The following GRM4 variants were observed in gnomAD, a reference collection of about 807,000 sequenced individuals.
The protein encoded by GRM4 is glutamate metabotropic receptor 4.
GRM4 carries 28 observed loss-of-function variants against 81.7 expected under a neutral mutation model. The observed-to-expected ratio is 0.34, with a 90% CI of 0.25 to 0.47. The LOEUF (loss-of-function observed/expected upper bound fraction) is 0.47, where lower values mean the gene tolerates loss of function less well. Among genes scored for constraint, GRM4 ranks in the 20% least tolerant of loss-of-function variants. GRM4 has a pLI of 1.00. For synonymous variants in GRM4, 488 were observed against 528.8 expected (o/e 0.92, Z 1.06); for missense variants, 948 against 1,290.0 (o/e 0.73, Z 4.06).
Position 34,028,295 on chromosome 6 carries a change from G to A in GRM4, c.2514C>T (p.Tyr838=). ...LSASVSLGML[Y]MPKVYIILFH... is the part of the protein sequence containing the mutation. ...AGAGGATGATGTAGACTTTGGGCAT[G>A]TAGAGCATTCCCAGGGACACCGAGG... The change falls in exon 10 of 11, where the codon TAC becomes TAT. Residue 838 remains tyrosine (Y), a synonymous_variant. Coordinates refer to ENST00000538487, the MANE Select transcript of GRM4 (RefSeq NM_000841.4). 1 of 1,613,820 alleles carries A rather than the reference G, an allele frequency of 6.2e-7. No homozygotes were observed. The highest frequency in any genetic ancestry group is 8.5e-7 in the Non-Finnish European group (1 of 1,179,976).
chr6:34,104,887 C>T (rs1484804717), intron 2 of GRM4, among the ~76,000 whole-genome samples: 1 of 152,112 alleles, frequency 6.6e-6, no homozygotes, highest in East Asian at 1.9e-4. Context: ...CTGCAAAAGC[C>T]GACAATCCTC....
At chr6:34,054,141 A>G (rs1025134166) in intron 6 of GRM4, 2 of 150,830 alleles carry the variant, frequency 1.3e-5, no homozygotes, top group African/African-American at 4.9e-5. Context: ...CCTCAGGCTC[A>G]TGGGAAAGCT....
In GRM4 at chr6:34,121,481, G is replaced by A. The variant is rs1003098476; in HGVS notation, c.519+11497C>T. 7.2e-5 allele frequency among the ~76,000 whole-genome samples: 11 copies of A among 152,098 alleles called. No homozygotes were observed. Among genetic ancestry groups the A allele is most frequent in the Admixed American group, 5.9e-4 (9 of 15,274 alleles). On this transcript the variant is annotated intron_variant, in intron 2 of 10. Transcript: ENST00000538487. This position sits in a 1 kb window ranked among gnomAD's most constrained non-coding sequence, Gnocchi z 4.6. ...AACGTGGCAAGTGCTACCTCTGTCC[G>A]CTCCCATTAGGGCTCCCATTAGGGC...
chr6:34,133,235 G>C lies in GRM4; in HGVS notation c.262C>G (p.Arg88Gly), dbSNP rs988941717. Residue 88 changes from arginine (R) to glycine (G), a missense_variant, in exon 2 of 11, where the codon CGC (arginine) becomes GGC (glycine). Coordinates refer to ENST00000538487, the MANE Select transcript of GRM4 (RefSeq NM_000841.4). This position sits in a 1 kb window ranked among gnomAD's most constrained non-coding sequence, Gnocchi z 6.5. ...RLEAMLFALD[R>G]INNDPDLLPN... ...AGCAGGTCCGGGTCGTTGTTGATGCGATCCAGGGCGAACAGCATGGCCTCC... is the reference window on the plus strand; with the variant it reads ...AGCAGGTCCGGGTCGTTGTTGATGCCATCCAGGGCGAACAGCATGGCCTCC... The C allele has an allele frequency of 2.5e-6, 4 of 1,614,078 alleles. No individual in the cohort carries two copies. The highest frequency in any genetic ancestry group is 3.4e-6 in the Non-Finnish European group (4 of 1,180,030).
At chr6:34,027,734 ACAGGCAGAGACC>A (rs1191067078) in intron 10 of GRM4, among the ~76,000 whole-genome samples, 1 of 152,168 alleles carries the variant, frequency 6.6e-6, no homozygotes, top group African/African-American at 2.4e-5. Context: ...AGGCAGGGGC[ACAGGCAGAGACC>A]CAGGCCCCAG....
intron 1 of GRM4, among the ~76,000 whole-genome samples, chr6:34,142,952 C>A (rs532051900): frequency 1.6e-3 from 244 of 152,334 alleles, no homozygotes; most frequent in Middle Eastern, 6.8e-3. Flanking sequence ...TGCTGCCACC[C>A]CCCCACCAAT....
intron 1 of GRM4, among the ~76,000 whole-genome samples, chr6:34,140,767 C>T (rs1351465357): frequency 1.3e-5 from 2 of 152,262 alleles, no homozygotes; most frequent in African/African-American, 4.8e-5. Flanking sequence ...TTGTTTGCAG[C>T]TGTTACTATT....
Position 34,036,938 on chromosome 6 carries a change from T to G in GRM4, c.1507-335A>C, listed in dbSNP as rs1764743202. 6.6e-6 allele frequency among the ~76,000 whole-genome samples: 1 copy of G among 152,178 alleles called. No homozygotes were observed. Among genetic ancestry groups the G allele is most frequent in the African/African-American group, 2.4e-5 (1 of 41,440 alleles). On this transcript the variant is annotated intron_variant, in intron 8 of 10. Transcript: ENST00000538487. This position sits in a 1 kb window ranked among gnomAD's most constrained non-coding sequence, Gnocchi z 9.0. The stretch of plus-strand genomic sequence containing the variant: ...CAGAGCAAAGAGAACTCAAGAGTCC[T>G]GACTCTTAGCCCCTAAGGCCTTGCT...
intron 2 of GRM4, among the ~76,000 whole-genome samples, chr6:34,119,809 C>T (rs1769733680): frequency 6.6e-6 from 1 of 152,186 alleles, no homozygotes; most frequent in Non-Finnish European, 1.5e-5. Context: ...TGCCAGGTGA[C>T]CCAGCAGGTG....
At chr6:34,063,063 A>T (rs1766266742) in intron 3 of GRM4, 1 of 152,316 alleles carries the variant, frequency 6.6e-6, no homozygotes, top group Admixed American at 6.5e-5. Flanking sequence ...AGCATGAGGG[A>T]TTAATCTTGA....
At chr6:34,079,542 G>C (rs1767477669) in intron 3 of GRM4, among the ~76,000 whole-genome samples, 1 of 136,910 alleles carries the variant, frequency 7.3e-6, no homozygotes, top group Non-Finnish European at 1.5e-5. Context: ...AAAAGAAACT[G>C]GTAACAAAAC....
chr6:34,123,415 G>C (rs539907586), intron 2 of GRM4, among the ~76,000 whole-genome samples: 1 of 152,182 alleles, frequency 6.6e-6, no homozygotes, highest in Non-Finnish European at 1.5e-5. Context: ...TTCGGCAGGA[G>C]ATGAGGACAA....
rs1043359321 is a variant in GRM4 at position 34,105,360 on chromosome 6, C to T, written c.520-13261G>A. On this transcript the variant is annotated intron_variant, in intron 2 of 10. Transcript: ENST00000538487. ...GAAGATGGAGGCAAGGCTAGGTGAC[C>T]GGCCGGGCTGGGGGTGCTGAGCTGT... 4.1e-4 allele frequency among the ~76,000 whole-genome samples: 62 copies of T among 152,158 alleles called. 1 individual carries two copies. The highest frequency in any genetic ancestry group is 1.4e-3 in the African/African-American group (60 of 41,494).
At chr6:34,032,261 C>G (rs1481210576) in intron 9 of GRM4, among the ~76,000 whole-genome samples, 3 of 152,148 alleles carry the variant, frequency 2.0e-5, no homozygotes, top group Admixed American at 6.5e-5. Flanking sequence ...CACACATGCA[C>G]CACTGAGCAT....
chr6:34,125,246 C>G (rs947960559), intron 2 of GRM4, among the ~76,000 whole-genome samples: 2 of 152,178 alleles, frequency 1.3e-5, no homozygotes, highest in Admixed American at 6.5e-5. Flanking sequence ...GGACGCTTAC[C>G]TTTTAACTCT....
chr6:34,101,587 G>A (rs940477072), intron 2 of GRM4, among the ~76,000 whole-genome samples: 1 of 152,330 alleles, frequency 6.6e-6, no homozygotes, highest in South Asian at 2.1e-4. Flanking sequence ...GGATCCTCAG[G>A]GCAGCAGCTG....
At chr6:34,148,914 C>T (rs1770993874), upstream of GRM4, among the ~76,000 whole-genome samples, 4 of 152,124 alleles carry the variant, frequency 2.6e-5, no homozygotes, top group African/African-American at 9.7e-5. Flanking sequence ...CAGTCCTCAT[C>T]CAGGGAAATG....
rs1186803082 is a variant in GRM4 at position 34,133,958 on chromosome 6, A to T, written c.-363-99T>A. ...CAGGAGCCTGAGAGAAGGAGATGCT[A>T]GAGGTTATCGCCGAAGATTCCATAA... is the stretch of plus-strand genomic sequence containing the variant. On this transcript the variant is annotated intron_variant, in intron 1 of 10. Transcript: ENST00000538487. The surrounding 1 kb of genome is among the most constrained non-coding windows in gnomAD (Gnocchi z 6.5). 1 of 451,946 alleles carries T rather than the reference A, an allele frequency of 2.2e-6. No individual in the cohort carries two copies. The highest frequency in any genetic ancestry group is 2.9e-6 in the Non-Finnish European group (1 of 341,128). 28.0% of individuals were successfully genotyped at this position (451,946 alleles called of 1,614,324 possible). A position where few individuals can be genotyped will look rare whatever the true frequency, so the allele number is the denominator to read the frequency against.
chr6:34,035,704 G>A lies in GRM4; in HGVS notation c.2406C>T (p.Ile802=), dbSNP rs201998156. 8.9e-5 allele frequency: 142 copies of A among 1,594,064 alleles called. No homozygotes were observed. In the East Asian group the frequency reaches 2.9e-3, roughly 33 times the overall value. Residue 802 remains isoleucine, a synonymous_variant, in exon 9 of 11, where the codon ATC becomes ATT. Transcript: ENST00000538487. This position sits in a 1 kb window ranked among gnomAD's most constrained non-coding sequence, Gnocchi z 6.6. ...YTTCIVWLAF[I]PIFFGTSQSA... is the part of the protein sequence containing the mutation. Reference sequence around the variant, plus strand: ...ACTGCGAGGTGCCAAAGAAGATGGGGATGAAGGCCAGCCAGACGATGCAAG... The same window carrying A: ...ACTGCGAGGTGCCAAAGAAGATGGGAATGAAGGCCAGCCAGACGATGCAAG...
Sources: allele counts gnomAD v4.1 joint callset (sites outside exome capture counted in the v4.1 genomes callset), GRCh38; gene constraint gnomAD v4.1.1; non-coding constraint Gnocchi (gnomAD v3.1); transcripts MANE v1.5; gene names NCBI Gene and HGNC (gene_info 2026-07-23, HGNC 2026-07-21).